The following CCDC93 variants were observed in gnomAD, a reference collection of about 807,000 sequenced individuals.
CCDC93 encodes the protein CCC complex scaffolding subunit CCDC93, also known as coiled-coil domain-containing protein 93.
CCDC93 carries 61 observed loss-of-function variants against 108.2 expected under a neutral mutation model. The ratio of observed to expected loss-of-function variants is 0.56; its 90% CI spans 0.46 to 0.70. CCDC93 has a LOEUF of 0.70. Ranked by LOEUF, CCDC93 falls within the 30% of genes least tolerant of loss-of-function variation. The pLI is 0.00. For synonymous variants in CCDC93, 276 were observed against 260.4 expected, an observed-to-expected ratio of 1.06 and a Z score of -0.58; for missense variants, 685 against 764.2, an observed-to-expected ratio of 0.90 and a Z score of 1.22.
chr2:117,949,955 G>C (rs981811875), intron 13 of CCDC93: 5 of 985,442 alleles, frequency 5.1e-6, no homozygotes, highest in Non-Finnish European at 6.0e-6. Flanking sequence ...ATTAGGAATA[G>C]CCACATAGGC....
intron 3 of CCDC93, 47 bp from the exon 4 acceptor site, chr2:118,000,979 CT>C: frequency 8.8e-7 from 1 of 1,132,220 alleles, no homozygotes; most frequent in Non-Finnish European, 1.3e-6. Context: ...ACTAAGTAGC[CT>C]TTATGGCATC....
chr2:117,935,250 A>G (rs1032285381), intron 22 of CCDC93, among the ~76,000 whole-genome samples: 1 of 152,164 alleles, frequency 6.6e-6, no homozygotes, highest in African/African-American at 2.4e-5. Flanking sequence ...TTGGTACACA[A>G]TAGGTGTTCA....
chr2:118,005,278 C>G (rs1676832606), intron 3 of CCDC93, among the ~76,000 whole-genome samples: 2 of 151,938 alleles, frequency 1.3e-5, no homozygotes, highest in African/African-American at 4.8e-5. Flanking sequence ...CTGGAAAACT[C>G]AAGGGGAATT....
intron 11 of CCDC93, among the ~76,000 whole-genome samples, chr2:117,972,714 C>T (rs10490628): frequency 0.26 from 39,840 of 151,898 alleles, 5,725 homozygotes; most frequent in African/African-American, 0.36. Flanking sequence ...TGACAGGAAA[C>T]GAAGACACTT....
rs1680655742 is a variant in CCDC93, at chr2:117,996,540, T to C, written c.364-178A>G. 5.6e-6 allele frequency: 3 copies of C among 539,588 alleles called. No homozygotes were observed. In the East Asian group the frequency reaches 9.3e-5, roughly 17 times the overall value. 33.4% of individuals were successfully genotyped at this position (539,588 alleles called of 1,614,324 possible). A position where few individuals can be genotyped will look rare whatever the true frequency, so the allele number is the denominator to read the frequency against. ...AAAGCAACCAGCTGGGTATCCAAGA[T>C]GTTAAGATCCAATGGGACCTAGTGC... On this transcript the variant is annotated intron_variant, in intron 4 of 23. Coordinates refer to ENST00000376300, the MANE Select transcript of CCDC93 (RefSeq NM_019044.5).
chr2:117,980,353 C>T (rs557358069), intron 7 of CCDC93, among the ~76,000 whole-genome samples: 1 of 152,318 alleles, frequency 6.6e-6, no homozygotes, highest in Admixed American at 6.5e-5. Flanking sequence ...CTTGAGTATT[C>T]ATCTTTCCTT....
intron 7 of CCDC93, among the ~76,000 whole-genome samples, chr2:117,983,633 TATATATATATATATATATATATATATATA>T (rs1680222215): frequency 8.6e-6 from 1 of 115,688 alleles, no homozygotes; most frequent in African/African-American, 3.8e-5. Context: ...CTCAAAATTA[TATATATATATATATATATATATATATATA>T]TATATATATA....
intron 23 of CCDC93, among the ~76,000 whole-genome samples, chr2:117,925,391 G>C (rs868635115): frequency 6.6e-6 from 1 of 152,018 alleles, no homozygotes; most frequent in East Asian, 1.9e-4. Context: ...CATATGCAGA[G>C]ACACACATAG....
intron 11 of CCDC93, 95 bp from the exon 12 acceptor site, chr2:117,958,576 G>C: frequency 1.3e-6 from 1 of 775,972 alleles, no homozygotes; most frequent in Non-Finnish European, 2.3e-6. Flanking sequence ...AGCAGTACTG[G>C]GCAGCCAGTC....
chr2:117,943,392 T>C (rs183868361), intron 18 of CCDC93, among the ~76,000 whole-genome samples: 6 of 152,336 alleles, frequency 3.9e-5, no homozygotes, highest in Admixed American at 2.0e-4. Flanking sequence ...AGATTAGTAG[T>C]CTGTAACAAG....
chr2:117,968,669 T>G (rs1482463950), intron 11 of CCDC93, among the ~76,000 whole-genome samples: 2 of 152,256 alleles, frequency 1.3e-5, no homozygotes, highest in Non-Finnish European at 2.9e-5. Flanking sequence ...TACCTTGTTT[T>G]TATATCCCAG....
At chr2:117,989,743 T>C (rs897869775) in intron 6 of CCDC93, among the ~76,000 whole-genome samples, 4 of 152,246 alleles carry the variant, frequency 2.6e-5, no homozygotes, top group Admixed American at 2.0e-4. Flanking sequence ...CTAATCGGTA[T>C]ATTTAATAGT....
At chr2:117,948,321 T>C (rs923030788) in intron 14 of CCDC93, 135 bp from the exon 15 acceptor site, 20 of 623,736 alleles carry the variant, frequency 3.2e-5, no homozygotes, top group Non-Finnish European at 4.8e-5. Context: ...GTCTCACAGA[T>C]TCTGCACAAA....
At position 117,948,209 on chromosome 2, in the gene CCDC93, T is replaced by A. The variant is rs74397643; in HGVS notation, c.1143-23A>T. 2.7e-3 allele frequency: 4,136 copies of A among 1,551,358 alleles called. 83 individuals carry two copies. In the African/African-American group the frequency reaches 0.045, roughly 17 times the overall value. On this transcript the variant is annotated intron_variant, in intron 14 of 23. Coordinates refer to ENST00000376300, the MANE Select transcript of CCDC93 (RefSeq NM_019044.5). ...ATACTGAAGAGAAAAGACAAAAAAA[T>A]GACATATGGCAGGCCATTATGATTT...
At chr2:117,957,245 C>G (rs576154686) in intron 12 of CCDC93, among the ~76,000 whole-genome samples, 18 of 152,314 alleles carry the variant, frequency 1.2e-4, no homozygotes, top group African/African-American at 4.1e-4. Context: ...TAATCTATTG[C>G]TAATGCAACT....
intron 3 of CCDC93, among the ~76,000 whole-genome samples, chr2:118,005,778 C>G (rs1223160232): frequency 6.8e-6 from 1 of 148,016 alleles, no homozygotes; most frequent in African/African-American, 2.5e-5. Context: ...GCTGGCTGAT[C>G]TGAGCTACAG....
At chr2:117,985,827 G>C (rs925573694) in intron 7 of CCDC93, 142 bp downstream of exon 7, 5 of 575,200 alleles carry the variant, frequency 8.7e-6, no homozygotes, top group African/African-American at 5.7e-5. Context: ...TTCATTACCA[G>C]AGAAAAGTCC....
chr2:117,967,872 A>G (rs1225040968), intron 11 of CCDC93, among the ~76,000 whole-genome samples: 1 of 152,218 alleles, frequency 6.6e-6, no homozygotes, highest in Non-Finnish European at 1.5e-5. Flanking sequence ...ATAATGATGG[A>G]GGAAGGCAGA....
At chr2:117,958,761 G>A (rs567300820) in intron 11 of CCDC93, among the ~76,000 whole-genome samples, 1 of 152,242 alleles carries the variant, frequency 6.6e-6, no homozygotes, top group Non-Finnish European at 1.5e-5. Flanking sequence ...TAGGCAACAG[G>A]TATCATCAAA....
Sources: gnomAD v4.1 joint callset for allele counts (sites outside exome capture counted in the v4.1 genomes callset) on GRCh38, gnomAD v4.1.1 for gene constraint, MANE v1.5 for transcripts, NCBI Gene and HGNC (gene_info 2026-07-23, HGNC 2026-07-21) for gene names.